SLC24A2: variants seen among roughly 807,000 people sequenced by gnomAD.
SLC24A2 encodes the protein sodium/potassium/calcium exchanger 2.
A neutral mutation model predicts 62.0 loss-of-function variants in SLC24A2; 36 were observed. The ratio of observed to expected loss-of-function variants is 0.58; its 90% CI spans 0.44 to 0.77. SLC24A2 has a LOEUF of 0.77. SLC24A2 is among the 30% of genes least tolerant of loss of function. The probability of loss-of-function intolerance (pLI) is 0.00; values close to 1 mark genes in which losing one functional copy is unlikely to be tolerated. For synonymous variants in SLC24A2, 358 were observed against 294.0 expected, an observed-to-expected ratio of 1.22 and a Z score of -2.23; for missense variants, 846 against 817.9, an observed-to-expected ratio of 1.03 and a Z score of -0.42.
the SLC24A2 span, among the ~76,000 whole-genome samples, chr9:19,933,696 T>C: frequency 2.6e-5 from 4 of 152,186 alleles, no homozygotes; most frequent in African/African-American, 4.8e-5. Flanking sequence ...TTACTTATAA[T>C]AGCCAAAAAG....
intron 2 of SLC24A2, among the ~76,000 whole-genome samples, chr9:19,779,498 T>A (rs907116372): frequency 3.9e-5 from 6 of 152,212 alleles, no homozygotes; most frequent in African/African-American, 1.4e-4. Flanking sequence ...ACTACTTTTG[T>A]CCTATATTTC....
At chr9:19,941,369 C>T in the SLC24A2 span, among the ~76,000 whole-genome samples, 1 of 152,176 alleles carries the variant, frequency 6.6e-6, no homozygotes, top group East Asian at 1.9e-4. Flanking sequence ...AGCTTGATGA[C>T]ACAACCCTTT....
At chr9:19,973,733 C>T in the SLC24A2 span, among the ~76,000 whole-genome samples, 2 of 152,174 alleles carry the variant, frequency 1.3e-5, no homozygotes, top group African/African-American at 2.4e-5. Flanking sequence ...AAACCAGATA[C>T]ATTTTACCCG....
At chr9:19,627,823 T>G (rs576575148) in intron 2 of SLC24A2, among the ~76,000 whole-genome samples, 77 of 152,348 alleles carry the variant, frequency 5.1e-4, no homozygotes, top group African/African-American at 1.8e-3. Flanking sequence ...TGTGAGCCAC[T>G]GTTCCCAGCC....
chr9:20,139,675 G>T, the SLC24A2 span, among the ~76,000 whole-genome samples: 1 of 152,142 alleles, frequency 6.6e-6, no homozygotes, highest in Non-Finnish European at 1.5e-5. Context: ...ATAGACCCAA[G>T]ACTCACTTTT....
the SLC24A2 span, among the ~76,000 whole-genome samples, chr9:19,827,366 T>C: frequency 1.3e-5 from 2 of 152,204 alleles, no homozygotes; most frequent in East Asian, 3.9e-4. Flanking sequence ...ACTTTGAGTT[T>C]GCAGGGGTGC....
At chr9:19,598,854 T>A (rs1836772533) in intron 4 of SLC24A2, among the ~76,000 whole-genome samples, 2 of 152,184 alleles carry the variant, frequency 1.3e-5, no homozygotes, top group Admixed American at 1.3e-4. Context: ...GTGTGAGTAA[T>A]CTTGGAGTAG....
chr9:20,139,013 T>C, the SLC24A2 span, among the ~76,000 whole-genome samples: 1 of 152,350 alleles, frequency 6.6e-6, no homozygotes, highest in East Asian at 1.9e-4. Flanking sequence ...CCCCGCCTCA[T>C]GGTCACCCTC....
At chr9:19,517,892 C>T (rs779625000) in intron 10 of SLC24A2, among the ~76,000 whole-genome samples, 5 of 143,240 alleles carry the variant, frequency 3.5e-5, no homozygotes, top group Non-Finnish European at 6.0e-5. Context: ...AGACCAAAAC[C>T]CATTTTATTC....
chr9:19,606,798 G>A (rs553395187), intron 4 of SLC24A2, among the ~76,000 whole-genome samples: 1 of 152,310 alleles, frequency 6.6e-6, no homozygotes, highest in South Asian at 2.1e-4. Context: ...GTGAAGGACC[G>A]TTTGTTGTGG....
At chr9:19,552,539 T>C (rs1448669464) in intron 7 of SLC24A2, among the ~76,000 whole-genome samples, 1 of 151,134 alleles carries the variant, frequency 6.6e-6, no homozygotes, top group African/African-American at 2.4e-5. Context: ...TAGCAGAGAG[T>C]CAGTCAGCTT....
chr9:19,897,967 C>A, the SLC24A2 span, among the ~76,000 whole-genome samples: 1 of 152,272 alleles, frequency 6.6e-6, no homozygotes, highest in South Asian at 2.1e-4. Flanking sequence ...AGCCACAGTC[C>A]GGTCAGGGAA....
the SLC24A2 span, among the ~76,000 whole-genome samples, chr9:20,296,573 T>A: frequency 6.6e-6 from 1 of 152,258 alleles, no homozygotes; most frequent in Non-Finnish European, 1.5e-5. Flanking sequence ...ACAATGCAGA[T>A]GTACAAAAAG....
chr9:19,945,460 A>C, the SLC24A2 span, among the ~76,000 whole-genome samples: 1 of 152,144 alleles, frequency 6.6e-6, no homozygotes, highest in African/African-American at 2.4e-5. Flanking sequence ...TGCATTTTGC[A>C]TTTATCTTTC....
At chr9:20,081,917 G>A in the SLC24A2 span, among the ~76,000 whole-genome samples, 3 of 152,184 alleles carry the variant, frequency 2.0e-5, no homozygotes, top group East Asian at 5.8e-4. Flanking sequence ...CTCCTCAGAT[G>A]GATTGTATTG....
the SLC24A2 span, among the ~76,000 whole-genome samples, chr9:20,014,272 T>C: frequency 2.0e-5 from 3 of 152,040 alleles, no homozygotes; most frequent in Non-Finnish European, 4.4e-5. Flanking sequence ...AATTCTTACA[T>C]GCTGTTGGTG....
chr9:19,974,661 C>CACTTGGAAA, the SLC24A2 span, among the ~76,000 whole-genome samples: 1 of 152,108 alleles, frequency 6.6e-6, no homozygotes, highest in Non-Finnish European at 1.5e-5. Flanking sequence ...GTTAGAAAAC[C>CACTTGGAAA]ACTTGGAAAC....
At chr9:19,647,863 A>G (rs1818688656) in intron 2 of SLC24A2, among the ~76,000 whole-genome samples, 1 of 152,244 alleles carries the variant, frequency 6.6e-6, no homozygotes, top group African/African-American at 2.4e-5. Flanking sequence ...ACAAGGTTAT[A>G]GGGTATCTCA....
rs1486334099 is a variant in SLC24A2, at chr9:19,511,568, CTT to C, written c.*4583_*4584del. On this transcript the variant is annotated 3_prime_UTR_variant, in exon 11 of 11. Transcript: ENST00000341998. ...ATTCTATTTTTTCTCCTACCCCTCT[CTT>C]AATGACAAGGCCTTACCTAATAATT... is the stretch of plus-strand genomic sequence containing the variant. 1 of 152,174 alleles carries C rather than the reference CTT, an allele frequency of 6.6e-6. No individual in the cohort carries two copies. The highest frequency in any genetic ancestry group is 1.5e-5 in the Non-Finnish European group (1 of 68,038). 9.4% of individuals were successfully genotyped at this position (152,174 alleles called of 1,614,324 possible).
Sources: gnomAD v4.1 joint callset for allele counts (sites outside exome capture counted in the v4.1 genomes callset) on GRCh38, gnomAD v4.1.1 for gene constraint, MANE v1.5 for transcripts, NCBI Gene and HGNC (gene_info 2026-07-23, HGNC 2026-07-21) for gene names.